SH3RF3: variants seen among roughly 807,000 people sequenced by gnomAD.
SH3RF3 encodes E3 ubiquitin-protein ligase SH3RF3.
SH3RF3 carries 29 observed loss-of-function variants against 66.3 expected under a neutral mutation model. The observed-to-expected ratio is 0.44, with a 90% CI of 0.33 to 0.60. SH3RF3 has a LOEUF of 0.60. SH3RF3 is among the 20% of genes least tolerant of loss of function. SH3RF3 has a pLI of 0.04. For synonymous variants in SH3RF3, 583 were observed against 532.0 expected, an observed-to-expected ratio of 1.10 and a Z score of -1.32; for missense variants, 1,194 against 1,190.9, an observed-to-expected ratio of 1.00 and a Z score of -0.04.
chr2:109,460,509 G>A (rs567823634), intron 8 of SH3RF3, among the ~76,000 whole-genome samples: 1 of 152,320 alleles, frequency 6.6e-6, no homozygotes, highest in Admixed American at 6.5e-5. Context: ...TGGCCACTCT[G>A]TTCATGGGTC....
chr2:109,495,264 G>A (rs1178777088), intron 9 of SH3RF3, among the ~76,000 whole-genome samples: 2 of 152,198 alleles, frequency 1.3e-5, no homozygotes, highest in African/African-American at 2.4e-5. Context: ...GGTTAGAACC[G>A]TCTAATGCCC....
At chr2:109,332,552 C>A (rs79182282) in intron 1 of SH3RF3, among the ~76,000 whole-genome samples, 1 of 152,116 alleles carries the variant, frequency 6.6e-6, no homozygotes, top group Non-Finnish European at 1.5e-5. Flanking sequence ...CCGAGCTCCC[C>A]GCAGTTCAGC....
At chr2:109,319,234 G>A (rs137994112) in intron 1 of SH3RF3, among the ~76,000 whole-genome samples, 25 of 152,348 alleles carry the variant, frequency 1.6e-4, no homozygotes, top group African/African-American at 5.5e-4. Context: ...GCAGGACCAA[G>A]TGTTAAGCTT....
chr2:109,444,813 A>T (rs1177560613), intron 7 of SH3RF3, among the ~76,000 whole-genome samples: 1 of 152,242 alleles, frequency 6.6e-6, no homozygotes, highest in Non-Finnish European at 1.5e-5. Context: ...AGGGAAACTC[A>T]CACATAAGTT....
intron 1 of SH3RF3, among the ~76,000 whole-genome samples, chr2:109,330,631 G>A (rs1381518685): frequency 6.6e-6 from 1 of 152,164 alleles, no homozygotes; most frequent in Non-Finnish European, 1.5e-5. Context: ...TGGATGGATG[G>A]AGGGAGAGAC....
At chr2:109,260,681 G>A (rs1471784000) in intron 1 of SH3RF3, among the ~76,000 whole-genome samples, 2 of 152,120 alleles carry the variant, frequency 1.3e-5, no homozygotes, top group African/African-American at 2.4e-5. Flanking sequence ...TGGGAGAAGC[G>A]GCCTGCAGAG....
Position 109,170,236 on chromosome 2 carries a change from TCTTTTCTTTTCTCTTCTC to T in SH3RF3, c.573+40124_573+40141del, listed in dbSNP as rs1248181649. On this transcript the variant is annotated intron_variant, in intron 1 of 9. Transcript: ENST00000309415. The stretch of plus-strand genomic sequence containing the variant: ...CTCTCTTTTTTCTCTTCTCTTCTCT[TCTTTTCTTTTCTCTTCTC>T]TTCTCTTCTCTTCTCTTCTCTTCTC... 4.6e-3 allele frequency among the ~76,000 whole-genome samples: 177 copies of T among 38,784 alleles called. 3 individuals are homozygous for T. The highest frequency in any genetic ancestry group is 5.3e-3 in the Non-Finnish European group (109 of 20,412). 25.4% of individuals were successfully genotyped at this position (38,784 alleles called of 152,430 possible). A position where few individuals can be genotyped will look rare whatever the true frequency, so the allele number is the denominator to read the frequency against.
At chr2:109,277,535 G>A (rs569895689) in intron 1 of SH3RF3, among the ~76,000 whole-genome samples, 6 of 152,282 alleles carry the variant, frequency 3.9e-5, no homozygotes, top group East Asian at 3.9e-4. Context: ...AGTGACAGGC[G>A]CTGGTCCGTT....
At chr2:109,347,065 C>T (rs1464210080) in intron 1 of SH3RF3, among the ~76,000 whole-genome samples, 2 of 152,130 alleles carry the variant, frequency 1.3e-5, no homozygotes, top group South Asian at 2.1e-4. Flanking sequence ...ACGCTCAGCA[C>T]GACGGATGCC....
chr2:109,371,748 C>T (rs896037579), intron 3 of SH3RF3, 67 bp downstream of exon 3: 9 of 1,385,036 alleles, frequency 6.5e-6, no homozygotes, highest in African/African-American at 2.8e-5. Context: ...ACAGTGGGGT[C>T]ACCTGACCTT....
At chr2:109,304,683 C>G (rs1681550872) in intron 1 of SH3RF3, among the ~76,000 whole-genome samples, 1 of 152,238 alleles carries the variant, frequency 6.6e-6, no homozygotes, top group Admixed American at 6.5e-5. Flanking sequence ...ATTTCTCCGT[C>G]TCACTAGCCA....
chr2:109,300,838 G>C (rs1442508459), intron 1 of SH3RF3, among the ~76,000 whole-genome samples: 1 of 152,176 alleles, frequency 6.6e-6, no homozygotes, highest in Admixed American at 6.5e-5. Context: ...TGCCTTCCAA[G>C]GCTCCTACTA....
At chr2:109,434,792 C>T (rs1677353744) in intron 6 of SH3RF3, among the ~76,000 whole-genome samples, 1 of 152,246 alleles carries the variant, frequency 6.6e-6, no homozygotes, top group African/African-American at 2.4e-5. Flanking sequence ...CCATCTCCAG[C>T]CTTGTTTACC....
At chr2:109,249,603 C>CTT (rs1680033985) in intron 1 of SH3RF3, among the ~76,000 whole-genome samples, 1 of 135,078 alleles carries the variant, frequency 7.4e-6, no homozygotes, top group African/African-American at 2.9e-5. Context: ...CTTTCTTTTT[C>CTT]TTTCTTTCTT....
chr2:109,478,486 G>A (rs542978668), intron 8 of SH3RF3, among the ~76,000 whole-genome samples: 1 of 152,324 alleles, frequency 6.6e-6, no homozygotes, highest in Non-Finnish European at 1.5e-5. Flanking sequence ...TTATCTAGAT[G>A]TCTTCATGCT....
chr2:109,500,850 T>C (rs537266803), intron 9 of SH3RF3, among the ~76,000 whole-genome samples: 3 of 152,144 alleles, frequency 2.0e-5, no homozygotes, highest in African/African-American at 7.2e-5. Flanking sequence ...TTCGGGAGGC[T>C]GAGGTGGGAG....
chr2:109,284,140 G>A (rs916753957), intron 1 of SH3RF3, among the ~76,000 whole-genome samples: 2 of 152,152 alleles, frequency 1.3e-5, no homozygotes, highest in African/African-American at 4.8e-5. Flanking sequence ...CAGGTACTCA[G>A]CCCAGGGTCT....
chr2:109,191,415 T>G (rs887580214), intron 1 of SH3RF3, among the ~76,000 whole-genome samples: 4 of 152,166 alleles, frequency 2.6e-5, no homozygotes, highest in African/African-American at 9.7e-5. Flanking sequence ...GAATACTATT[T>G]AGAAGAAAGT....
intron 1 of SH3RF3, among the ~76,000 whole-genome samples, chr2:109,286,439 G>T (rs1681032147): frequency 6.6e-6 from 1 of 152,202 alleles, no homozygotes; most frequent in African/African-American, 2.4e-5. Flanking sequence ...CTCAGGTCCT[G>T]TGGTCACTCA....
Sources: gnomAD v4.1 joint callset for allele counts (sites outside exome capture counted in the v4.1 genomes callset) on GRCh38, gnomAD v4.1.1 for gene constraint, MANE v1.5 for transcripts, NCBI Gene and HGNC (gene_info 2026-07-23, HGNC 2026-07-21) for gene names.